The following FAM227A variants were observed in gnomAD, a reference collection of about 807,000 sequenced individuals.
FAM227A encodes the protein protein FAM227A.
FAM227A carries 80 observed loss-of-function variants against 74.7 expected under a neutral mutation model. The observed-to-expected ratio is 1.07, with a 90% CI of 0.89 to 1.29. The LOEUF is 1.29. Among genes scored for constraint, FAM227A ranks in the 50% most tolerant of loss-of-function variants. The pLI, the probability that FAM227A is intolerant of heterozygous loss-of-function variation, is 0.00. For synonymous variants in FAM227A, 237 were observed against 241.8 expected, an observed-to-expected ratio of 0.98 and a Z score of 0.19; for missense variants, 654 against 683.4, an observed-to-expected ratio of 0.96 and a Z score of 0.48.
In FAM227A at chr22:38,620,267, C is replaced by G. The variant is rs2146355995; in HGVS notation, c.983G>C (p.Gly328Ala). 6.4e-7 allele frequency: 1 copy of G among 1,551,326 alleles called. No homozygotes were observed. Among genetic ancestry groups the G allele is most frequent in the Non-Finnish European group, 8.7e-7 (1 of 1,146,676 alleles). Reference sequence around the variant, plus strand: ...TGGCTTCTGGGAGAAGGCTCTCTTACCAGCAAACAAAGAAAACTCTCTCCC... The same window carrying G: ...TGGCTTCTGGGAGAAGGCTCTCTTAGCAGCAAACAAAGAAAACTCTCTCCC... ...TKGREFSLFA[G>A]KRAFSQKPAQ... The change falls in exon 11 of 17, where the codon GGT (glycine) becomes GCT (alanine). Residue 328 changes from glycine (G) to alanine (A), a missense_variant. Physicochemically the swap from Gly to Ala is moderately conservative, Grantham distance 60. Coordinates refer to ENST00000535113, the MANE Select transcript of FAM227A (RefSeq NM_001013647.2).
chr22:38,652,315 G>A (rs567089086), intron 1 of FAM227A, among the ~76,000 whole-genome samples: 18 of 152,110 alleles, frequency 1.2e-4, no homozygotes, highest in Admixed American at 3.3e-4. Context: ...TAGGCCAGGC[G>A]CAGTGGCTCA....
chr22:38,590,217 T>C (rs1042470089), intron 16 of FAM227A, among the ~76,000 whole-genome samples: 4 of 148,844 alleles, frequency 2.7e-5, no homozygotes, highest in Non-Finnish European at 5.9e-5. Flanking sequence ...GAGGAGGAAG[T>C]TGCAGTGAGC....
chr22:38,646,660 T>A lies in FAM227A; in HGVS notation c.143-1015A>T, dbSNP rs150790052. On this transcript the variant is annotated intron_variant, in intron 2 of 16. Coordinates refer to ENST00000535113, the MANE Select transcript of FAM227A (RefSeq NM_001013647.2). Reference sequence around the variant, plus strand: ...TCTTCCAGTCATTATTATTATTATTTTTTTTTTTGAGATGGAGTCTCACTC... The same window carrying A: ...TCTTCCAGTCATTATTATTATTATTATTTTTTTTGAGATGGAGTCTCACTC... Among the ~76,000 whole-genome samples, 892 of 151,974 alleles carry A rather than the reference T, an allele frequency of 5.9e-3. 6 individuals carry two copies. The highest frequency in any genetic ancestry group is 0.017 in the African/African-American group (688 of 41,474).
Position 38,626,261 on chromosome 22 carries a change from A to G in FAM227A, c.769T>C (p.Cys257Arg). ...LLSKAVYTSF[C>R]CCFPQSWFDT... ...AACCAGGACTGTGGAAAGCAGCAACAGAAGCTGGTGTACACGGCTTTGCTG... is the reference window on the plus strand; with the variant it reads ...AACCAGGACTGTGGAAAGCAGCAACGGAAGCTGGTGTACACGGCTTTGCTG... Residue 257 changes from cysteine (C) to arginine (R), a missense_variant, in exon 9 of 17, where the codon TGT becomes CGT. Coordinates refer to ENST00000535113, the MANE Select transcript of FAM227A (RefSeq NM_001013647.2). 1.9e-6 allele frequency: 3 copies of G among 1,551,758 alleles called. No individual in the cohort carries two copies. Among genetic ancestry groups the G allele is most frequent in the East Asian group, 2.4e-5 (1 of 40,922 alleles).
At chr22:38,588,615 T>TAA (rs757871619) in intron 16 of FAM227A, among the ~76,000 whole-genome samples, 304 of 47,856 alleles carry the variant, frequency 6.4e-3, no homozygotes, top group Middle Eastern at 0.03. Flanking sequence ...TGACTCTGTC[T>TAA]AAAAAAAAAA....
chr22:38,642,949 CA>C (rs1050317178), intron 3 of FAM227A, among the ~76,000 whole-genome samples: 2 of 151,432 alleles, frequency 1.3e-5, no homozygotes, highest in Non-Finnish European at 2.9e-5. Flanking sequence ...AAAACAAAAA[CA>C]AAAAAACAAC....
In FAM227A at chr22:38,628,850, A is replaced by T; in HGVS notation, c.605T>A (p.Phe202Tyr). The T allele has an allele frequency of 6.5e-7, 1 of 1,536,044 alleles. No individual in the cohort carries two copies. The highest frequency in any genetic ancestry group is 8.8e-7 in the Non-Finnish European group (1 of 1,135,052). Reference sequence around the variant, plus strand: ...TGTATTTACCTGGTACCTCTCATGAAATATCCACCAAAAGCTATCCAGCCA... The same window carrying T: ...TGTATTTACCTGGTACCTCTCATGATATATCCACCAAAAGCTATCCAGCCA... Reference protein sequence around the residue: ...AIWLDSFWWIFHERYQPNKEL... With the variant: ...AIWLDSFWWIYHERYQPNKEL... Residue 202 changes from phenylalanine (F) to tyrosine (Y), a missense_variant, in exon 7 of 17, where the codon TTT becomes TAT. Phe to Tyr is a conservative substitution (Grantham distance 22). Transcript: ENST00000535113.
chr22:38,634,113 C>G (rs1421058374), intron 6 of FAM227A, among the ~76,000 whole-genome samples: 1 of 148,768 alleles, frequency 6.7e-6, no homozygotes, highest in Non-Finnish European at 1.5e-5. Context: ...CCCAGCTACT[C>G]AGGGAGGCTG....
intron 16 of FAM227A, among the ~76,000 whole-genome samples, chr22:38,590,794 CT>C (rs990326521): frequency 6.6e-6 from 1 of 151,430 alleles, no homozygotes; most frequent in African/African-American, 2.4e-5. Flanking sequence ...AGTAAGTGAA[CT>C]TTTTTTTTGA....
At chr22:38,638,682 T>A in intron 5 of FAM227A, 64 bp downstream of exon 5, 1 of 1,215,846 alleles carries the variant, frequency 8.2e-7, no homozygotes, top group Non-Finnish European at 1.2e-6. Context: ...TCCCCAGGAA[T>A]AAAATCTTTA....
chr22:38,649,094 T>C (rs6519124), intron 2 of FAM227A, among the ~76,000 whole-genome samples: 53,470 of 152,042 alleles, frequency 0.35, 9,757 homozygotes, highest in East Asian at 0.47. Context: ...AAGGGAAAGA[T>C]GGCAACCACT....
rs1432474082 is a variant in FAM227A at position 38,597,384 on chromosome 22, G to A, written c.1380-28C>T. Reference sequence around the variant, plus strand: ...GGCTTCCGCTGTCAAGGAAATCCCCGTACTGTGGAACTGTGTTGACGCTGC... The same window carrying A: ...GGCTTCCGCTGTCAAGGAAATCCCCATACTGTGGAACTGTGTTGACGCTGC... On this transcript the variant is annotated intron_variant, in intron 14 of 16. Transcript: ENST00000535113. The A allele has an allele frequency of 8.4e-6, 13 of 1,550,268 alleles. No homozygotes were observed. In the East Asian group the frequency reaches 9.8e-5, roughly 12 times the overall value.
chr22:38,607,247 T>G (rs2091303908), intron 12 of FAM227A, 142 bp downstream of exon 12: 2 of 567,938 alleles, frequency 3.5e-6, no homozygotes, highest in Non-Finnish European at 6.4e-6. Flanking sequence ...TCATAAAATA[T>G]TACTTGGTGC....
At chr22:38,627,786 T>C (rs2091840041) in intron 8 of FAM227A, among the ~76,000 whole-genome samples, 1 of 151,960 alleles carries the variant, frequency 6.6e-6, no homozygotes, top group African/African-American at 2.4e-5. Flanking sequence ...GTATCTTTAG[T>C]AGAGACAGGG....
chr22:38,626,334 C>T (rs1414125773), intron 8 of FAM227A, 31 bp from the exon 9 acceptor site: 1 of 1,540,132 alleles, frequency 6.5e-7, no homozygotes, highest in African/African-American at 1.4e-5. Context: ...AGGCAACGTT[C>T]TCAACATTTC....
At chr22:38,605,416 A>G (rs2091263681) in intron 12 of FAM227A, 68 bp from the exon 13 acceptor site, 1 of 890,878 alleles carries the variant, frequency 1.1e-6, no homozygotes. Context: ...CAGCCTCCTG[A>G]GTAGCTGGAA....
At chr22:38,593,230 C>T (rs754132881) in intron 15 of FAM227A, among the ~76,000 whole-genome samples, 12 of 152,216 alleles carry the variant, frequency 7.9e-5, no homozygotes, top group African/African-American at 2.9e-4. Flanking sequence ...ATGGACTGGG[C>T]GCAGTGGCTC....
At chr22:38,623,527 C>T (rs1325898556) in intron 9 of FAM227A, among the ~76,000 whole-genome samples, 1 of 152,184 alleles carries the variant, frequency 6.6e-6, no homozygotes, top group African/African-American at 2.4e-5. Context: ...AGCCCTGTCC[C>T]ATGCTAGCCT....
chr22:38,653,377 C>CT (rs34626242), intron 1 of FAM227A, among the ~76,000 whole-genome samples: 37,282 of 137,596 alleles, frequency 0.27, 5,111 homozygotes, highest in East Asian at 0.33. Flanking sequence ...GAATGTAATG[C>CT]TTTTTTTTTT....
Sources: gnomAD v4.1 joint callset for allele counts (sites outside exome capture counted in the v4.1 genomes callset) on GRCh38, gnomAD v4.1.1 for gene constraint, MANE v1.5 for transcripts, NCBI Gene and HGNC (gene_info 2026-07-23, HGNC 2026-07-21) for gene names.